FFAR4: variants seen among roughly 807,000 people sequenced by gnomAD.
FFAR4 encodes free fatty acid receptor 4, also known as G-protein coupled receptor 120.
FFAR4 carries 19 observed loss-of-function variants against 27.0 expected under a neutral mutation model. The ratio of observed to expected loss-of-function variants is 0.70; its 90% confidence interval spans 0.49 to 1.03. The LOEUF (loss-of-function observed/expected upper bound fraction) is 1.03, where lower values mean the gene tolerates loss of function less well. Ranked by LOEUF, FFAR4 falls within the 50% of genes least tolerant of loss-of-function variation. The pLI is 0.00. For synonymous variants in FFAR4, 254 were observed against 215.6 expected, an observed-to-expected ratio of 1.18 and a Z score of -1.56; for missense variants, 476 against 479.0, an observed-to-expected ratio of 0.99 and a Z score of 0.06.
At chr10:93,580,667 C>T (rs886218779) in intron 2 of FFAR4, among the ~76,000 whole-genome samples, 7 of 152,202 alleles carry the variant, frequency 4.6e-5, no homozygotes, top group African/African-American at 1.7e-4. Flanking sequence ...CACTGGTGCT[C>T]CAAGAAATGC....
At chr10:93,580,593 T>C (rs949960966) in intron 2 of FFAR4, among the ~76,000 whole-genome samples, 3 of 152,204 alleles carry the variant, frequency 2.0e-5, no homozygotes, top group Non-Finnish European at 1.5e-5. Context: ...CACACAGTAA[T>C]AGAATAGGTA....
At chr10:93,571,742 C>CT (rs987695010) in intron 1 of FFAR4, among the ~76,000 whole-genome samples, 45 of 152,250 alleles carry the variant, frequency 3.0e-4, no homozygotes, top group African/African-American at 1.0e-3. Flanking sequence ...TATTTTCTCT[C>CT]TTTTTTGCTG....
chr10:93,573,072 G>A (rs2058141382), intron 1 of FFAR4, among the ~76,000 whole-genome samples: 1 of 152,186 alleles, frequency 6.6e-6, no homozygotes, highest in African/African-American at 2.4e-5. Flanking sequence ...CCCCCCCTGG[G>A]TGGCTCTACC....
At chr10:93,571,443 T>C (rs2058131148) in intron 1 of FFAR4, among the ~76,000 whole-genome samples, 1 of 152,202 alleles carries the variant, frequency 6.6e-6, no homozygotes, top group Non-Finnish European at 1.5e-5. Context: ...CTTTTGTTTA[T>C]TCTAAAAGAG....
intron 1 of FFAR4, among the ~76,000 whole-genome samples, chr10:93,574,177 A>T (rs1237917161): frequency 1.3e-5 from 2 of 152,196 alleles, no homozygotes; most frequent in East Asian, 3.9e-4. Context: ...TCATAGAAGC[A>T]CATGGTTTAG....
At chr10:93,585,275 C>G (rs1402486470) in intron 2 of FFAR4, among the ~76,000 whole-genome samples, 2 of 151,962 alleles carry the variant, frequency 1.3e-5, no homozygotes. Context: ...CCCAGCAGCT[C>G]CACTGGTAGG....
intron 1 of FFAR4, among the ~76,000 whole-genome samples, chr10:93,570,236 C>A (rs2058124332): frequency 1.3e-5 from 2 of 151,144 alleles, no homozygotes; most frequent in African/African-American, 2.4e-5. Flanking sequence ...GCCCAGGAAC[C>A]CAACAAACAG....
chr10:93,566,941 C>T lies in FFAR4; in HGVS notation c.221C>T (p.Thr74Ile), dbSNP rs915837690. 1.1e-5 allele frequency: 17 copies of T among 1,610,448 alleles called. No individual in the cohort carries two copies. Among genetic ancestry groups the T allele is most frequent in the Middle Eastern group, 1.6e-4 (1 of 6,082 alleles). ...LVARRRRRGA[T>I]ACLVLNLFCA... is the part of the protein sequence containing the mutation. ...GCGCGCCGACGACGCCGCGGCGCGACTGCCTGCCTGGTACTCAACCTCTTC... is the reference window on the plus strand; with the variant it reads ...GCGCGCCGACGACGCCGCGGCGCGATTGCCTGCCTGGTACTCAACCTCTTC... The change falls in exon 1 of 3, where the codon ACT becomes ATT. Residue 74 changes from threonine (T) to isoleucine (I), a missense_variant. Coordinates refer to ENST00000371481, the MANE Select transcript of FFAR4 (RefSeq NM_001195755.2).
chr10:93,577,044 G>A (rs938165826), intron 2 of FFAR4, among the ~76,000 whole-genome samples: 5 of 152,052 alleles, frequency 3.3e-5, no homozygotes, highest in Non-Finnish European at 5.9e-5. Context: ...CATTTCAAAT[G>A]TGCACTGAAA....
Position 93,566,868 on chromosome 10 carries a change from A to G in FFAR4, c.148A>G (p.Ile50Val). The change falls in exon 1 of 3, where the codon ATC becomes GTC. Residue 50 changes from isoleucine to valine, a missense_variant. Transcript: ENST00000371481. ...AAVETTVLVLIFAVSLLGNVC... is the reference protein window; with the variant it reads ...AAVETTVLVLVFAVSLLGNVC... ...GGTGGAGACAACCGTGCTGGTGCTC[A>G]TCTTTGCAGTGTCGCTGCTGGGCAA... The G allele has an allele frequency of 6.2e-7, 1 of 1,602,918 alleles. No homozygotes were observed. The highest frequency in any genetic ancestry group is 8.5e-7 in the Non-Finnish European group (1 of 1,176,208).
At chr10:93,569,232 A>G (rs913820354) in intron 1 of FFAR4, among the ~76,000 whole-genome samples, 2 of 152,238 alleles carry the variant, frequency 1.3e-5, no homozygotes, top group Non-Finnish European at 2.9e-5. Context: ...GATAGAATGT[A>G]TCTTGAAGGT....
rs1290847514 is a variant in FFAR4, at chr10:93,588,821, G to T, written c.*1212G>T. 1 of 152,254 alleles carries T rather than the reference G, an allele frequency of 6.6e-6. No homozygotes were observed. The highest frequency in any genetic ancestry group is 2.4e-5 in the African/African-American group (1 of 41,456). 9.4% of individuals were successfully genotyped at this position (152,254 alleles called of 1,614,324 possible). ...CCGCCTCAGCCTCCCAAGTAGCTGG[G>T]ATTACAGGCGTGAGCCGCCACGCCT... is the stretch of plus-strand genomic sequence containing the variant. On this transcript the variant is annotated 3_prime_UTR_variant, in exon 3 of 3. Coordinates refer to ENST00000371481, the MANE Select transcript of FFAR4 (RefSeq NM_001195755.2).
rs2058237775 is a variant in FFAR4 at position 93,587,717 on chromosome 10, C to A, written c.*108C>A. The A allele has an allele frequency of 2.1e-5, 23 of 1,098,586 alleles. No individual in the cohort carries two copies. The South Asian group carries it at 3.3e-4, about 16-fold the overall frequency. 68.1% of individuals were successfully genotyped at this position (1,098,586 alleles called of 1,614,324 possible). A position where few individuals can be genotyped will look rare whatever the true frequency, so the allele number is the denominator to read the frequency against. On this transcript the variant is annotated 3_prime_UTR_variant, in exon 3 of 3. Coordinates refer to ENST00000371481, the MANE Select transcript of FFAR4 (RefSeq NM_001195755.2). ...GTGCACCCTGCTTTAAGAAAATGAACCTATGCAAATAGACATCCACAGCGT... is the reference window on the plus strand; with the variant it reads ...GTGCACCCTGCTTTAAGAAAATGAAACTATGCAAATAGACATCCACAGCGT...
intron 1 of FFAR4, among the ~76,000 whole-genome samples, chr10:93,574,739 A>C (rs1363319547): frequency 6.6e-6 from 1 of 151,942 alleles, no homozygotes; most frequent in Non-Finnish European, 1.5e-5. Context: ...ATACAAAAAA[A>C]AAAAATTAGC....
chr10:93,575,621 C>T (rs2058159276), intron 1 of FFAR4, among the ~76,000 whole-genome samples: 1 of 152,208 alleles, frequency 6.6e-6, no homozygotes. Context: ...GACCCTGTGT[C>T]CTTCAGCTTA....
At chr10:93,583,372 C>T (rs989307563) in intron 2 of FFAR4, among the ~76,000 whole-genome samples, 6 of 149,888 alleles carry the variant, frequency 4.0e-5, no homozygotes, top group East Asian at 3.9e-4. Context: ...GCCGAGATGG[C>T]GCCACTGCAC....
intron 1 of FFAR4, among the ~76,000 whole-genome samples, chr10:93,575,342 C>T (rs1324011185): frequency 2.0e-5 from 3 of 152,184 alleles, no homozygotes; most frequent in Admixed American, 1.3e-4. Context: ...GAAATTGTTG[C>T]AGAAGCTATT....
chr10:93,578,549 C>G (rs1226112405), intron 2 of FFAR4, among the ~76,000 whole-genome samples: 6 of 152,074 alleles, frequency 3.9e-5, no homozygotes, highest in African/African-American at 1.4e-4. Flanking sequence ...GTGGCCTTGG[C>G]CAGCTTAGTT....
chr10:93,572,820 A>G (rs1179009368), intron 1 of FFAR4, among the ~76,000 whole-genome samples: 4 of 152,224 alleles, frequency 2.6e-5, no homozygotes, highest in Non-Finnish European at 4.4e-5. Flanking sequence ...GGGGTTCAGG[A>G]AAGCATGCAG....
Sources: allele counts gnomAD v4.1 joint callset (sites outside exome capture counted in the v4.1 genomes callset), GRCh38; gene constraint gnomAD v4.1.1; transcripts MANE v1.5; gene names NCBI Gene and HGNC (gene_info 2026-07-23, HGNC 2026-07-21).